ADAMTS16: variants seen among roughly 807,000 people sequenced by gnomAD.
ADAMTS16 encodes the protein A disintegrin and metalloproteinase with thrombospondin motifs 16.
A neutral mutation model predicts 145.8 loss-of-function variants in ADAMTS16; 94 were observed. The observed-to-expected ratio is 0.64, with a 90% CI of 0.55 to 0.77. The LOEUF is 0.77. Among genes scored for constraint, ADAMTS16 ranks in the 30% least tolerant of loss-of-function variants. The pLI is 0.00. For missense variants in ADAMTS16, 1,585 were observed against 1,591.5 expected, an observed-to-expected ratio of 1.00 and a Z score of 0.07; for synonymous variants, 659 against 604.3, an observed-to-expected ratio of 1.09 and a Z score of -1.33.
chr5:5,281,190 A>G (rs1213559471), intron 18 of ADAMTS16, among the ~76,000 whole-genome samples: 1 of 152,206 alleles, frequency 6.6e-6, no homozygotes, highest in Non-Finnish European at 1.5e-5. Context: ...TCTAATCGCA[A>G]GTTCCTAATT....
chr5:5,161,447 CT>C (rs1734742370), intron 3 of ADAMTS16, among the ~76,000 whole-genome samples: 1 of 152,170 alleles, frequency 6.6e-6, no homozygotes, highest in Non-Finnish European at 1.5e-5. Flanking sequence ...CATAACACAG[CT>C]GTCCTAGATA....
intron 17 of ADAMTS16, among the ~76,000 whole-genome samples, chr5:5,257,070 T>A (rs561710617): frequency 1.9e-4 from 29 of 152,336 alleles, no homozygotes; most frequent in African/African-American, 7.0e-4. Flanking sequence ...ATTTGTTTCT[T>A]TTTCTAATTT....
intron 18 of ADAMTS16, among the ~76,000 whole-genome samples, chr5:5,287,650 C>G (rs73041117): frequency 6.6e-6 from 1 of 152,164 alleles, no homozygotes; most frequent in African/African-American, 2.4e-5. Context: ...CCTGAGGCTC[C>G]GGGCGGGATA....
intron 3 of ADAMTS16, among the ~76,000 whole-genome samples, chr5:5,177,356 C>G (rs1735226142): frequency 1.3e-5 from 2 of 152,170 alleles, no homozygotes; most frequent in African/African-American, 4.8e-5. Context: ...GCCTGGACTT[C>G]TTTGGGTTTA....
intron 2 of ADAMTS16, 47 bp downstream of exon 2, chr5:5,140,813 C>G (rs752018691): frequency 3.4e-6 from 5 of 1,480,742 alleles, no homozygotes; most frequent in South Asian, 1.2e-5. Context: ...TTTAGCAGCT[C>G]GTAATCTCCG....
At chr5:5,167,200 A>G (rs758858325) in intron 3 of ADAMTS16, among the ~76,000 whole-genome samples, 12 of 152,166 alleles carry the variant, frequency 7.9e-5, no homozygotes, top group Non-Finnish European at 1.5e-4. Context: ...GGATGAGGAT[A>G]TTTGCATAGT....
chr5:5,216,001 T>C (rs1026005671), intron 10 of ADAMTS16, among the ~76,000 whole-genome samples: 1 of 150,442 alleles, frequency 6.6e-6, no homozygotes, highest in Admixed American at 6.7e-5. Context: ...GCTATAAACA[T>C]GTATGTGCAA....
chr5:5,192,522 T>A (rs979342577), intron 8 of ADAMTS16, among the ~76,000 whole-genome samples: 1 of 152,016 alleles, frequency 6.6e-6, no homozygotes, highest in Non-Finnish European at 1.5e-5. Context: ...TTTGGAAGAG[T>A]GGGTACTGAC....
intron 10 of ADAMTS16, among the ~76,000 whole-genome samples, chr5:5,211,719 T>C (rs1736274563): frequency 6.6e-6 from 1 of 152,182 alleles, no homozygotes; most frequent in Admixed American, 6.5e-5. Flanking sequence ...GCACATTAGC[T>C]GTATCCTGAA....
intron 17 of ADAMTS16, among the ~76,000 whole-genome samples, chr5:5,247,869 A>G (rs1737499305): frequency 6.6e-6 from 1 of 152,226 alleles, no homozygotes; most frequent in Non-Finnish European, 1.5e-5. Context: ...TCCAAGCTCT[A>G]GTAAATGTTG....
intron 9 of ADAMTS16, among the ~76,000 whole-genome samples, chr5:5,207,125 T>G (rs1218022647): frequency 6.6e-6 from 1 of 152,330 alleles, no homozygotes; most frequent in African/African-American, 2.4e-5. Flanking sequence ...AATGAAGCTA[T>G]AGATTAAAAT....
intron 10 of ADAMTS16, among the ~76,000 whole-genome samples, chr5:5,212,126 T>A (rs1193290714): frequency 2.6e-5 from 4 of 152,112 alleles, no homozygotes; most frequent in African/African-American, 7.2e-5. Flanking sequence ...AAGATGAGTG[T>A]TAAAATCTCC....
chr5:5,235,674 G>A (rs975097862), intron 13 of ADAMTS16, among the ~76,000 whole-genome samples: 1 of 152,130 alleles, frequency 6.6e-6, no homozygotes, highest in Admixed American at 6.5e-5. Flanking sequence ...TTTATTTGTG[G>A]CATGTATAAG....
chr5:5,188,462 CT>C (rs1735571688), intron 6 of ADAMTS16, among the ~76,000 whole-genome samples: 2 of 152,118 alleles, frequency 1.3e-5, no homozygotes, highest in African/African-American at 4.8e-5. Flanking sequence ...ACATGAACAC[CT>C]TGTGGCCTAA....
At chr5:5,170,168 A>G (rs889739437) in intron 3 of ADAMTS16, among the ~76,000 whole-genome samples, 4 of 152,146 alleles carry the variant, frequency 2.6e-5, no homozygotes, top group Non-Finnish European at 4.4e-5. Context: ...TCCTACCAAT[A>G]GTATACGAGG....
chr5:5,192,752 C>T (rs1735698809), intron 8 of ADAMTS16, among the ~76,000 whole-genome samples: 1 of 152,138 alleles, frequency 6.6e-6, no homozygotes, highest in Admixed American at 6.5e-5. Flanking sequence ...CAATTTCTAG[C>T]AATTATTTGT....
intron 17 of ADAMTS16, among the ~76,000 whole-genome samples, chr5:5,258,241 C>G (rs143421439): frequency 9.6e-4 from 146 of 152,268 alleles, no homozygotes; most frequent in African/African-American, 3.4e-3. Flanking sequence ...GGAGTGGGGA[C>G]TGAAAATTCC....
intron 21 of ADAMTS16, among the ~76,000 whole-genome samples, chr5:5,311,316 AAC>A (rs556104349): frequency 0.11 from 10,436 of 91,120 alleles, 665 homozygotes; most frequent in Non-Finnish European, 0.13. Context: ...AAAAAAAAAA[AAC>A]AAAAAAACAA....
At chr5:5,256,530 G>A (rs1018574607) in intron 17 of ADAMTS16, among the ~76,000 whole-genome samples, 4 of 152,090 alleles carry the variant, frequency 2.6e-5, no homozygotes, top group Admixed American at 1.3e-4. Flanking sequence ...CAATTAACAG[G>A]TAAATTTCTG....
Sources: gnomAD v4.1 joint callset for allele counts (sites outside exome capture counted in the v4.1 genomes callset) on GRCh38, gnomAD v4.1.1 for gene constraint, MANE v1.5 for transcripts, NCBI Gene and HGNC (gene_info 2026-07-23, HGNC 2026-07-21) for gene names.